Variants in PAPOLA observed in about 807,000 individuals in gnomAD.
The protein encoded by PAPOLA is polynucleotide adenylyltransferase alpha.
PAPOLA carries 15 observed loss-of-function variants against 100.6 expected under a neutral mutation model. That is an observed-to-expected ratio of 0.15 (90% confidence interval 0.10 to 0.23). The LOEUF is 0.23. Among genes scored for constraint, PAPOLA ranks in the 10% least tolerant of loss-of-function variants. PAPOLA has a pLI of 1.00. For synonymous variants in PAPOLA, 293 were observed against 300.0 expected, an observed-to-expected ratio of 0.98 and a Z score of 0.24; for missense variants, 533 against 884.2, an observed-to-expected ratio of 0.60 and a Z score of 5.04.
chr14:96,513,846 T>C (rs1200763498), intron 1 of PAPOLA, among the ~76,000 whole-genome samples: 1 of 152,250 alleles, frequency 6.6e-6, no homozygotes, highest in Non-Finnish European at 1.5e-5. Flanking sequence ...CCTTATGTGC[T>C]ATATTGTTAT....
chr14:96,522,682 G>A (rs1898101568), intron 3 of PAPOLA, among the ~76,000 whole-genome samples: 1 of 152,170 alleles, frequency 6.6e-6, no homozygotes, highest in African/African-American at 2.4e-5. Flanking sequence ...CAGGATTACA[G>A]GGGTGAGCCA....
At chr14:96,559,623 ATATATATGTG>A (rs1277473415) in intron 19 of PAPOLA, among the ~76,000 whole-genome samples, 6 of 148,176 alleles carry the variant, frequency 4.0e-5, no homozygotes, top group South Asian at 2.1e-4. Flanking sequence ...ATATGTATAT[ATATATATGTG>A]TATATATGTA....
chr14:96,529,454 G>A (rs151234740), intron 6 of PAPOLA, among the ~76,000 whole-genome samples: 1 of 151,788 alleles, frequency 6.6e-6, no homozygotes, highest in Non-Finnish European at 1.5e-5. Flanking sequence ...CAGGCACGGT[G>A]GCTCATGCCT....
At chr14:96,534,707 AT>A (rs1346106357) in intron 10 of PAPOLA, 144 bp downstream of exon 10, 1 of 1,472,026 alleles carries the variant, frequency 6.8e-7, no homozygotes, top group Non-Finnish European at 9.0e-7. Context: ...AACCTCAACT[AT>A]AATTGTCCTC....
chr14:96,555,806 T>A (rs1372696049), intron 17 of PAPOLA, 41 bp from the exon 18 acceptor site: 1 of 1,053,640 alleles, frequency 9.5e-7, no homozygotes, highest in Non-Finnish European at 1.4e-6. Flanking sequence ...TATTTTTCTA[T>A]TTTTAAATTT....
chr14:96,562,112 T>C (rs559376532), intron 20 of PAPOLA, among the ~76,000 whole-genome samples: 3 of 152,132 alleles, frequency 2.0e-5, no homozygotes, highest in Non-Finnish European at 4.4e-5. Flanking sequence ...CAGGCTGGTC[T>C]TGAACTCCTG....
chr14:96,533,596 C>T (rs985172999), intron 9 of PAPOLA: 3 of 881,626 alleles, frequency 3.4e-6, no homozygotes, highest in South Asian at 5.2e-5. Flanking sequence ...ACTCTGTCAC[C>T]CAGGCTGGAG....
At position 96,532,608 on chromosome 14, in the gene PAPOLA, A is replaced by T. The variant is rs369152183; in HGVS notation, c.795A>T (p.Ala265=). ...GCCAGCTTTATCCAAATGCAATAGCATCAACTCTTGTACATAAATTTTTCT... is the reference window on the plus strand; with the variant it reads ...GCCAGCTTTATCCAAATGCAATAGCTTCAACTCTTGTACATAAATTTTTCT... ...RTCQLYPNAI[A]STLVHKFFLV... Residue 265 remains alanine, a synonymous_variant, in exon 9 of 22, where the codon GCA becomes GCT. Transcript: ENST00000216277. The T allele has an allele frequency of 7.4e-6, 12 of 1,612,314 alleles. No homozygotes were observed. The highest frequency in any genetic ancestry group is 1.0e-5 in the Non-Finnish European group (12 of 1,179,260).
intron 1 of PAPOLA, chr14:96,504,773 C>G (rs773131855): frequency 6.6e-6 from 1 of 152,148 alleles, no homozygotes; most frequent in Non-Finnish European, 1.5e-5. Flanking sequence ...AATAGGGCTT[C>G]TTCCTCATTA....
At chr14:96,549,412 C>T (rs1179101869) in intron 16 of PAPOLA, among the ~76,000 whole-genome samples, 1 of 151,964 alleles carries the variant, frequency 6.6e-6, no homozygotes, top group African/African-American at 2.4e-5. Flanking sequence ...CCACACCCAG[C>T]TAATTTTTTG....
At chr14:96,511,508 A>G (rs1897108180) in intron 1 of PAPOLA, among the ~76,000 whole-genome samples, 1 of 152,080 alleles carries the variant, frequency 6.6e-6, no homozygotes, top group Admixed American at 6.5e-5. Flanking sequence ...TGCCTAGATT[A>G]CGCCTCTCCT....
chr14:96,555,833 T>A lies in PAPOLA; in HGVS notation c.1665-14T>A. ...TTTAAATTTTGAGACAATTTTTAATTTTTTTTTTTTTAGCAGAAACAGTCC... is the reference window on the plus strand; with the variant it reads ...TTTAAATTTTGAGACAATTTTTAATATTTTTTTTTTTAGCAGAAACAGTCC... On this transcript the variant is annotated splice_polypyrimidine_tract_variant and intron_variant, in intron 17 of 21. Transcript: ENST00000216277. 7.8e-7 allele frequency: 1 copy of A among 1,277,276 alleles called. No homozygotes were observed. Among genetic ancestry groups the A allele is most frequent in the Non-Finnish European group, 1.1e-6 (1 of 933,898 alleles). 79.1% of individuals were successfully genotyped at this position (1,277,276 alleles called of 1,614,324 possible).
chr14:96,527,919 T>A, intron 5 of PAPOLA, 34 bp from the exon 6 acceptor site: 1 of 1,506,626 alleles, frequency 6.6e-7, no homozygotes, highest in Non-Finnish European at 9.2e-7. Context: ...AAATGTAGTT[T>A]CAGAGACCCT....
Position 96,556,268 on chromosome 14 carries a change from G to T in PAPOLA, c.1859G>T (p.Arg620Leu), listed in dbSNP as rs765959180. Residue 620 changes from arginine to leucine, a missense_variant, in exon 19 of 22, where the codon CGT becomes CTT. Arg to Leu is a moderately radical substitution (Grantham distance 102, BLOSUM62 -2). Coordinates refer to ENST00000216277, the MANE Select transcript of PAPOLA (RefSeq NM_032632.5). ...GTCTCCAGAGTTGTTTCTTCAACACGTCTGGTAAACCCACCACCTAGATCT... is the reference window on the plus strand; with the variant it reads ...GTCTCCAGAGTTGTTTCTTCAACACTTCTGGTAAACCCACCACCTAGATCT... ...PTVSRVVSST[R>L]LVNPPPRSSG... 6.2e-7 allele frequency: 1 copy of T among 1,613,828 alleles called. No individual in the cohort carries two copies. Among genetic ancestry groups the T allele is most frequent in the East Asian group, 2.2e-5 (1 of 44,872 alleles).
chr14:96,541,250 C>T (rs1899964957), intron 12 of PAPOLA, among the ~76,000 whole-genome samples: 1 of 152,230 alleles, frequency 6.6e-6, no homozygotes, highest in East Asian at 1.9e-4. Context: ...GGGTCTAGGT[C>T]AGATTTTTGC....
intron 16 of PAPOLA, among the ~76,000 whole-genome samples, chr14:96,552,254 C>T (rs1900902538): frequency 6.6e-6 from 1 of 152,136 alleles, no homozygotes; most frequent in South Asian, 2.1e-4. Flanking sequence ...TTCTTTCTCC[C>T]TTTTTCTCCC....
intron 20 of PAPOLA, 36 bp from the exon 21 acceptor site, chr14:96,562,783 C>G (rs1308437058): frequency 7.7e-6 from 10 of 1,295,990 alleles, no homozygotes; most frequent in African/African-American, 1.5e-5. Context: ...TTTTTTAAGT[C>G]TCTTTTCCCC....
At position 96,546,594 on chromosome 14, in the gene PAPOLA, A is replaced by C. The variant is rs564925994; in HGVS notation, c.1400-1203A>C. Among the ~76,000 whole-genome samples the C allele has an allele frequency of 2.0e-5, 3 of 152,248 alleles. No individual in the cohort carries two copies. The East Asian group carries it at 5.8e-4, about 29-fold the overall frequency. On this transcript the variant is annotated intron_variant, in intron 15 of 21. Coordinates refer to ENST00000216277, the MANE Select transcript of PAPOLA (RefSeq NM_032632.5). ...AAGGGTAATAAAGTTAGTAAGTAAT[A>C]TACCCAGTGAGGCCTGGAGCAGCAT...
At chr14:96,559,581 C>CTCTATATATATATATATA (rs370979875) in intron 19 of PAPOLA, among the ~76,000 whole-genome samples, 2 of 120,180 alleles carry the variant, frequency 1.7e-5, no homozygotes, top group African/African-American at 6.7e-5. Context: ...CTCTCTCTCT[C>CTCTATATATATATATATA]TATATATATA....
Sources: gnomAD v4.1 joint callset for allele counts (sites outside exome capture counted in the v4.1 genomes callset) on GRCh38, gnomAD v4.1.1 for gene constraint, MANE v1.5 for transcripts, NCBI Gene and HGNC (gene_info 2026-07-23, HGNC 2026-07-21) for gene names.